Variants in BCAS3 observed in about 807,000 individuals in gnomAD.
BCAS3 encodes BCAS4/BCAS3 fusion.
A neutral mutation model predicts 116.1 loss-of-function variants in BCAS3; 53 were observed. The ratio of observed to expected loss-of-function variants is 0.46; its 90% confidence interval spans 0.37 to 0.57. The LOEUF (loss-of-function observed/expected upper bound fraction) is 0.57. BCAS3 is among the 20% of genes least tolerant of loss of function. The pLI is 0.00. For missense variants in BCAS3, 917 were observed against 1,165.4 expected (o/e 0.79, Z 3.10); for synonymous variants, 391 against 408.2 (o/e 0.96, Z 0.51).
chr17:60,858,330 C>T (rs1433428707), intron 7 of BCAS3, among the ~76,000 whole-genome samples: 1 of 151,840 alleles, frequency 6.6e-6, no homozygotes, highest in Non-Finnish European at 1.5e-5. Flanking sequence ...TACCTTCCTC[C>T]TTTCCCTCTC....
Position 61,339,891 on chromosome 17 carries a change from G to T in BCAS3, c.2426-28436G>T, listed in dbSNP as rs749765955. ...GTCCCGAAAGCCAAGTAGAGAGAGG[G>T]TCAACTATGTCGAAAGCACACTTGA... On this transcript the variant is annotated intron_variant, in intron 22 of 23. Transcript: ENST00000407086. This position sits in a 1 kb window ranked among gnomAD's most constrained non-coding sequence, Gnocchi z 4.4. 6.6e-6 allele frequency among the ~76,000 whole-genome samples: 1 copy of T among 152,174 alleles called. No homozygotes were observed. Among genetic ancestry groups the T allele is most frequent in the Admixed American group, 6.5e-5 (1 of 15,274 alleles).
At chr17:61,015,266 C>G (rs112246178) in intron 15 of BCAS3, among the ~76,000 whole-genome samples, 1 of 152,186 alleles carries the variant, frequency 6.6e-6, no homozygotes, top group African/African-American at 2.4e-5. Flanking sequence ...TTAAGTCACA[C>G]TTGGTGTTAC....
intron 5 of BCAS3, among the ~76,000 whole-genome samples, chr17:60,743,327 T>C (rs1241859122): frequency 1.3e-5 from 2 of 152,152 alleles, no homozygotes; most frequent in East Asian, 3.9e-4. Context: ...ATTGTAGTTA[T>C]GGCCACTCTT....
rs985479129 is a variant in BCAS3 at position 61,362,062 on chromosome 17, T to G, written c.2426-6265T>G. ...GCTATCTGGGCATCCCTTAGTCCAG[T>G]CAAGTTGATACATGAAATTGACCAT... On this transcript the variant is annotated intron_variant, in intron 22 of 23. Coordinates refer to ENST00000407086, the MANE Select transcript of BCAS3 (RefSeq NM_017679.5). The surrounding 1 kb of genome is among the most constrained non-coding windows in gnomAD (Gnocchi z 4.4). Among the ~76,000 whole-genome samples the G allele has an allele frequency of 1.3e-5, 2 of 152,162 alleles. No homozygotes were observed. The highest frequency in any genetic ancestry group is 4.8e-5 in the African/African-American group (2 of 41,430).
At position 61,052,695 on chromosome 17, in the gene BCAS3, G is replaced by A. The variant is rs2068969306; in HGVS notation, c.2029+11803G>A. ...CTAAAGACAATTAAGTCTGTTGTGA[G>A]TTTCTTTCTTTCTTTCTTTCTTTTT... On this transcript the variant is annotated intron_variant, in intron 19 of 23. Coordinates refer to ENST00000407086, the MANE Select transcript of BCAS3 (RefSeq NM_017679.5). Among the ~76,000 whole-genome samples the A allele has an allele frequency of 2.0e-5, 3 of 146,960 alleles. 1 individual carries two copies. The highest frequency in any genetic ancestry group is 4.3e-4 in the South Asian group (2 of 4,612).
At chr17:60,969,129 C>T (rs2061818653) in intron 14 of BCAS3, among the ~76,000 whole-genome samples, 1 of 152,094 alleles carries the variant, frequency 6.6e-6, no homozygotes, top group African/African-American at 2.4e-5. Flanking sequence ...CAGGAATTGT[C>T]TCATCCTCAT....
At chr17:60,979,891 G>A (rs1429092218) in intron 14 of BCAS3, among the ~76,000 whole-genome samples, 8 of 151,788 alleles carry the variant, frequency 5.3e-5, no homozygotes, top group African/African-American at 1.5e-4. Context: ...TGCTGGATTC[G>A]GTTTGCCAGT....
In BCAS3 at chr17:61,333,787, A is replaced by G. The variant is rs932933892; in HGVS notation, c.2426-34540A>G. The stretch of plus-strand genomic sequence containing the variant: ...AGGGGCACACTACCACACCCAGCTC[A>G]TTTTTATATTTTCAGTAAAATGGGG... On this transcript the variant is annotated intron_variant, in intron 22 of 23. Coordinates refer to ENST00000407086, the MANE Select transcript of BCAS3 (RefSeq NM_017679.5). This position sits in a 1 kb window ranked among gnomAD's most constrained non-coding sequence, Gnocchi z 4.8. Among the ~76,000 whole-genome samples the G allele has an allele frequency of 1.3e-5, 2 of 151,708 alleles. No individual in the cohort carries two copies. The highest frequency in any genetic ancestry group is 4.8e-5 in the African/African-American group (2 of 41,260).
chr17:60,936,401 A>G (rs2059928193), intron 13 of BCAS3, among the ~76,000 whole-genome samples: 1 of 152,046 alleles, frequency 6.6e-6, no homozygotes, highest in Non-Finnish European at 1.5e-5. Context: ...GTCAAATGGT[A>G]TTTCTAGTTC....
chr17:61,253,218 A>G (rs529287901), intron 22 of BCAS3, among the ~76,000 whole-genome samples: 9 of 150,658 alleles, frequency 6.0e-5, no homozygotes, highest in East Asian at 2.0e-4. Flanking sequence ...TAACTGTTCT[A>G]TGTCTCAGTC....
chr17:61,333,402 C>T lies in BCAS3; in HGVS notation c.2426-34925C>T, dbSNP rs530619864. ...CTATGACCTCAAGCCAGGCCTAGGA[C>T]AAAGTGGAGACGTCCTGTGAGGCAG... On this transcript the variant is annotated intron_variant, in intron 22 of 23. Coordinates refer to ENST00000407086, the MANE Select transcript of BCAS3 (RefSeq NM_017679.5). This position sits in a 1 kb window ranked among gnomAD's most constrained non-coding sequence, Gnocchi z 4.8. Among the ~76,000 whole-genome samples, 4 of 152,274 alleles carry T rather than the reference C, an allele frequency of 2.6e-5. No homozygotes were observed. In the South Asian group the frequency reaches 8.3e-4, roughly 32 times the overall value.
Position 61,219,908 on chromosome 17 carries a change from G to C in BCAS3, c.2425+135344G>C, listed in dbSNP as rs889428467. Among the ~76,000 whole-genome samples, 2 of 152,160 alleles carry C rather than the reference G, an allele frequency of 1.3e-5. No individual in the cohort carries two copies. Among genetic ancestry groups the C allele is most frequent in the Admixed American group, 6.5e-5 (1 of 15,274 alleles). ...GGTAGGAAAAACAAGGCAGGTTATG[G>C]GGGGAGAGGAGTAGGGCAAGAAAGA... On this transcript the variant is annotated intron_variant, in intron 22 of 23. Transcript: ENST00000407086. The surrounding 1 kb of genome is among the most constrained non-coding windows in gnomAD (Gnocchi z 5.2).
chr17:61,375,262 A>G (rs1207935254), intron 23 of BCAS3, among the ~76,000 whole-genome samples: 3 of 96,780 alleles, frequency 3.1e-5, no homozygotes, highest in African/African-American at 1.4e-4. Flanking sequence ...GTGTACTAAT[A>G]AAGTCTTTCA....
Position 61,171,140 on chromosome 17 carries a change from G to T in BCAS3, c.2425+86576G>T, listed in dbSNP as rs73993708. Among the ~76,000 whole-genome samples the T allele has an allele frequency of 6.6e-6, 1 of 152,084 alleles. No homozygotes were observed. Among genetic ancestry groups the T allele is most frequent in the Non-Finnish European group, 1.5e-5 (1 of 68,022 alleles). ...ACCCACGGCACCTCCTAATTAAGTCGCTTATAATCAGTGATAAAGAGAAAA... is the reference window on the plus strand; with the variant it reads ...ACCCACGGCACCTCCTAATTAAGTCTCTTATAATCAGTGATAAAGAGAAAA... On this transcript the variant is annotated intron_variant, in intron 22 of 23. Transcript: ENST00000407086. The surrounding 1 kb of genome is among the most constrained non-coding windows in gnomAD (Gnocchi z 4.1).
chr17:60,760,148 T>C (rs1260885151), intron 6 of BCAS3, among the ~76,000 whole-genome samples: 6 of 152,242 alleles, frequency 3.9e-5, no homozygotes, highest in African/African-American at 9.6e-5. Context: ...TCCCTCTCTT[T>C]TAAGCAGATA....
At chr17:61,383,960 CT>C (rs11363181) in intron 23 of BCAS3, 131,660 of 152,302 alleles carry the variant, frequency 0.86, 57,751 homozygotes, top group Non-Finnish European at 0.94. Context: ...GTCTTCCAGG[CT>C]TTCAGGGCTG....
chr17:60,988,311 TCTTTTCTTTC>T (rs1421262204), intron 14 of BCAS3, among the ~76,000 whole-genome samples: 17 of 150,180 alleles, frequency 1.1e-4, no homozygotes, highest in African/African-American at 3.9e-4. Flanking sequence ...TCTTGTCTTT[TCTTTTCTTTC>T]CTTTTCTTTT....
At chr17:60,859,377 G>A (rs562896212) in intron 7 of BCAS3, among the ~76,000 whole-genome samples, 9 of 152,100 alleles carry the variant, frequency 5.9e-5, no homozygotes, top group East Asian at 5.8e-4. Context: ...CCCGGTGTCT[G>A]TTGTCCCCTT....
chr17:60,783,578 C>A (rs1051696431), intron 6 of BCAS3, among the ~76,000 whole-genome samples: 1 of 152,154 alleles, frequency 6.6e-6, no homozygotes, highest in Non-Finnish European at 1.5e-5. Flanking sequence ...TCTGTACTTT[C>A]CTCTTTATTT....
Sources: allele counts gnomAD v4.1 joint callset (sites outside exome capture counted in the v4.1 genomes callset), GRCh38; gene constraint gnomAD v4.1.1; non-coding constraint Gnocchi (gnomAD v3.1); transcripts MANE v1.5; gene names NCBI Gene and HGNC (gene_info 2026-07-23, HGNC 2026-07-21).